PRMT3: variants seen among roughly 807,000 people sequenced by gnomAD.
The protein encoded by PRMT3 is protein arginine N-methyltransferase 3.
Under a neutral mutation model 71.9 loss-of-function variants are expected in PRMT3, and 62 were observed. That is an observed-to-expected ratio of 0.86 (90% CI 0.70 to 1.07). The LOEUF is 1.07. Ranked by LOEUF, PRMT3 falls within the 50% of genes least tolerant of loss-of-function variation. The pLI, the probability that PRMT3 is intolerant of heterozygous loss-of-function variation, is 0.00. For missense variants in PRMT3, 663 were observed against 643.0 expected, an observed-to-expected ratio of 1.03 and a Z score of -0.34; for synonymous variants, 213 against 220.4, an observed-to-expected ratio of 0.97 and a Z score of 0.30.
At chr11:20,508,213 A>G in intron 15 of PRMT3, 91 bp from the exon 16 acceptor site, 4 of 626,132 alleles carry the variant, frequency 6.4e-6, no homozygotes, top group East Asian at 2.8e-5. Context: ...GGAAAACATC[A>G]CAATAAAAAG....
chr11:20,477,826 T>C (rs1850832652), intron 13 of PRMT3, among the ~76,000 whole-genome samples: 1 of 134,460 alleles, frequency 7.4e-6, no homozygotes, highest in Non-Finnish European at 1.6e-5. Flanking sequence ...CTTCCTGTTT[T>C]GCAGCACAAC....
chr11:20,473,588 A>G (rs369747606), intron 13 of PRMT3, among the ~76,000 whole-genome samples: 14 of 152,190 alleles, frequency 9.2e-5, no homozygotes, highest in East Asian at 5.8e-4. Context: ...TATGATTTCA[A>G]TTCTTTTTCA....
intron 6 of PRMT3, among the ~76,000 whole-genome samples, chr11:20,397,343 A>G (rs1014862768): frequency 2.6e-5 from 4 of 152,226 alleles, no homozygotes; most frequent in Non-Finnish European, 5.9e-5. Flanking sequence ...AGGAGCTACA[A>G]TCTGCGGTTG....
chr11:20,396,113 G>C, intron 6 of PRMT3, 151 bp downstream of exon 6: 1 of 654,642 alleles, frequency 1.5e-6, no homozygotes. Flanking sequence ...TAGCATTTTT[G>C]TACACTATGG....
At position 20,508,762 on chromosome 11, in the gene PRMT3, A is replaced by C. The variant is rs1851659472; in HGVS notation, c.*349A>C. On this transcript the variant is annotated 3_prime_UTR_variant, in exon 16 of 16. Transcript: ENST00000331079. Reference sequence around the variant, plus strand: ...GTTTTTAATAAGTTTCTTACTATAAATTTTAAACAAATTGGTTAGTTATTT... The same window carrying C: ...GTTTTTAATAAGTTTCTTACTATAACTTTTAAACAAATTGGTTAGTTATTT... 9.6e-6 allele frequency: 3 copies of C among 313,032 alleles called. No homozygotes were observed. Among genetic ancestry groups the C allele is most frequent in the African/African-American group, 2.1e-5 (1 of 46,776 alleles). 19.4% of individuals were successfully genotyped at this position (313,032 alleles called of 1,614,324 possible). A position where few individuals can be genotyped will look rare whatever the true frequency, so the allele number is the denominator to read the frequency against.
At chr11:20,449,498 G>A (rs1384605586) in intron 10 of PRMT3, among the ~76,000 whole-genome samples, 1 of 152,132 alleles carries the variant, frequency 6.6e-6, no homozygotes, top group Non-Finnish European at 1.5e-5. Flanking sequence ...TGAGATCAAG[G>A]TTCGAATTCT....
chr11:20,389,817 C>G lies in PRMT3; in HGVS notation c.238C>G (p.His80Asp). Residue 80 changes from histidine to aspartate, a missense_variant, in exon 3 of 16, where the codon CAT (histidine) becomes GAT (aspartate). By Grantham distance (81) the His-to-Asp change is moderately conservative. Transcript: ENST00000331079. ...EHQFNIDSMV[H>D]KHGLEFYGYI... ...TCAGTTTAATATTGACAGCATGGTT[C>G]ATAAACATGGTGAGTAGTTTTTAGA... is the stretch of plus-strand genomic sequence containing the variant. 1 of 1,607,866 alleles carries G rather than the reference C, an allele frequency of 6.2e-7. No homozygotes were observed. Among genetic ancestry groups the G allele is most frequent in the Non-Finnish European group, 8.5e-7 (1 of 1,174,650 alleles).
At chr11:20,490,211 A>G (rs1356326258) in intron 13 of PRMT3, among the ~76,000 whole-genome samples, 2 of 151,966 alleles carry the variant, frequency 1.3e-5, no homozygotes, top group Admixed American at 1.3e-4. Context: ...TGTGCTGTGG[A>G]ACTGAGTATT....
chr11:20,426,503 A>C (rs80271914), intron 9 of PRMT3, among the ~76,000 whole-genome samples: 249 of 152,274 alleles, frequency 1.6e-3, no homozygotes, highest in African/African-American at 5.7e-3. Context: ...CTTCATTGAC[A>C]TGTTATTCTT....
chr11:20,401,057 T>G (rs1446234870), intron 7 of PRMT3, among the ~76,000 whole-genome samples: 1 of 152,154 alleles, frequency 6.6e-6, no homozygotes. Context: ...TGGATTTCAT[T>G]ACACCAGCAT....
At chr11:20,470,027 A>AGTCTT (rs1440443413) in intron 13 of PRMT3, among the ~76,000 whole-genome samples, 1 of 152,186 alleles carries the variant, frequency 6.6e-6, no homozygotes, top group African/African-American at 2.4e-5. Context: ...ATTGTTATGC[A>AGTCTT]GTCTTGTCAT....
intron 9 of PRMT3, among the ~76,000 whole-genome samples, chr11:20,417,018 C>G (rs146797687): frequency 2.1e-3 from 322 of 152,298 alleles, no homozygotes; most frequent in African/African-American, 7.1e-3. Context: ...CCCTTTATCA[C>G]TCCCACTTTG....
intron 10 of PRMT3, among the ~76,000 whole-genome samples, chr11:20,437,621 G>T (rs181684887): frequency 6.6e-6 from 1 of 151,746 alleles, no homozygotes; most frequent in Non-Finnish European, 1.5e-5. Context: ...ACGGAGTCTC[G>T]CTCTGTTGCC....
At chr11:20,422,686 TA>T (rs1317257184) in intron 9 of PRMT3, among the ~76,000 whole-genome samples, 1 of 152,102 alleles carries the variant, frequency 6.6e-6, no homozygotes, top group Middle Eastern at 3.2e-3. Flanking sequence ...TTTTTCTGAC[TA>T]AAAAAATTAT....
intron 5 of PRMT3, 50 bp downstream of exon 5, chr11:20,393,049 T>A (rs1445887801): frequency 1.2e-5 from 15 of 1,200,890 alleles, no homozygotes; most frequent in Non-Finnish European, 1.8e-5. Flanking sequence ...GGCCGTTTGT[T>A]AACGGCAAAA....
chr11:20,440,509 A>AAG (rs1849869111), intron 10 of PRMT3, among the ~76,000 whole-genome samples: 2 of 149,994 alleles, frequency 1.3e-5, no homozygotes, highest in Admixed American at 6.6e-5. Flanking sequence ...AAAAAAAAAA[A>AAG]AGAGAAAATA....
intron 7 of PRMT3, among the ~76,000 whole-genome samples, chr11:20,398,762 C>T (rs902687674): frequency 6.6e-6 from 1 of 152,196 alleles, no homozygotes; most frequent in Admixed American, 6.5e-5. Context: ...ACATGCTGTA[C>T]AGGTTTGTAG....
At chr11:20,413,540 C>T (rs913887426) in intron 9 of PRMT3, among the ~76,000 whole-genome samples, 1 of 152,148 alleles carries the variant, frequency 6.6e-6, no homozygotes, top group African/African-American at 2.4e-5. Context: ...TAACTGCTTA[C>T]TAAATGTTAG....
chr11:20,455,641 A>C (rs959980972), intron 11 of PRMT3, among the ~76,000 whole-genome samples: 8 of 152,072 alleles, frequency 5.3e-5, no homozygotes, highest in African/African-American at 1.9e-4. Context: ...ATTTTTCTGA[A>C]AAATAGAAGG....
Sources: gnomAD v4.1 joint callset for allele counts (sites outside exome capture counted in the v4.1 genomes callset) on GRCh38, gnomAD v4.1.1 for gene constraint, MANE v1.5 for transcripts, NCBI Gene and HGNC (gene_info 2026-07-23, HGNC 2026-07-21) for gene names.